COL5A1: variants seen among roughly 807,000 people sequenced by gnomAD.
COL5A1 encodes collagen type V alpha 1 chain.
COL5A1 carries 16 observed loss-of-function variants against 263.7 expected under a neutral mutation model. The ratio of observed to expected loss-of-function variants is 0.06; its 90% CI spans 0.04 to 0.09. The LOEUF (loss-of-function observed/expected upper bound fraction) is 0.09, where lower values mean the gene tolerates loss of function less well. COL5A1 is among the 10% of genes least tolerant of loss of function. COL5A1 has a pLI of 1.00. For synonymous variants in COL5A1, 1,012 were observed against 1,004.5 expected, an observed-to-expected ratio of 1.01 and a Z score of -0.14; for missense variants, 2,036 against 2,540.5, an observed-to-expected ratio of 0.80 and a Z score of 4.27.
chr9:134,655,061 G>A (rs1310293770), intron 1 of COL5A1, among the ~76,000 whole-genome samples: 3 of 138,330 alleles, frequency 2.2e-5, no homozygotes, highest in African/African-American at 8.2e-5. Context: ...TGTGTGTAGG[G>A]CTGGAGGTGT....
intron 1 of COL5A1, among the ~76,000 whole-genome samples, chr9:134,688,487 A>C (rs1833156773): frequency 6.6e-6 from 1 of 152,110 alleles, no homozygotes; most frequent in South Asian, 2.1e-4. Context: ...AGGCACTGGC[A>C]CTCAGCGTTT....
intron 1 of COL5A1, among the ~76,000 whole-genome samples, chr9:134,685,436 A>T (rs1833016246): frequency 3.0e-5 from 1 of 33,884 alleles, no homozygotes; most frequent in Non-Finnish European, 5.7e-5. Context: ...CCATCCATCC[A>T]TCCATTGTCC....
chr9:134,731,396 C>A (rs1834874083), intron 7 of COL5A1, 100 bp from the exon 8 acceptor site: 1 of 1,213,708 alleles, frequency 8.2e-7, no homozygotes, highest in Non-Finnish European at 1.2e-6. Flanking sequence ...GGATCTCTGC[C>A]CAGTTGACCG....
chr9:134,734,959 C>T (rs150677854), intron 9 of COL5A1, among the ~76,000 whole-genome samples: 3,687 of 152,040 alleles, frequency 0.024, 142 homozygotes, highest in African/African-American at 0.084. Context: ...ACCTGTAATC[C>T]CAGCACTTTG....
intron 7 of COL5A1, 62 bp downstream of exon 7, chr9:134,730,537 C>T: frequency 1.2e-6 from 2 of 1,605,698 alleles, no homozygotes; most frequent in Non-Finnish European, 1.7e-6. Context: ...AGGGCTGGGG[C>T]CACAATGCTG....
chr9:134,667,851 T>G (rs1459766170), intron 1 of COL5A1, among the ~76,000 whole-genome samples: 4 of 152,318 alleles, frequency 2.6e-5, no homozygotes, highest in Admixed American at 6.5e-5. Flanking sequence ...AATCCCTCAC[T>G]TCCTAGGGCG....
intron 1 of COL5A1, among the ~76,000 whole-genome samples, chr9:134,645,811 C>G (rs1202760464): frequency 6.6e-6 from 1 of 152,206 alleles, no homozygotes; most frequent in Non-Finnish European, 1.5e-5. Context: ...TTTATCAGCT[C>G]TCCCCGGGGA....
intron 32 of COL5A1, among the ~76,000 whole-genome samples, chr9:134,792,905 A>G (rs539744991): frequency 1.7e-4 from 5 of 29,628 alleles, no homozygotes; most frequent in Admixed American, 3.7e-4. Context: ...GCGTGTGTGC[A>G]CGCGCGTGTG....
chr9:134,814,755 G>A (rs1183967500), intron 49 of COL5A1, 42 bp from the exon 50 acceptor site: 25 of 1,473,106 alleles, frequency 1.7e-5, no homozygotes, highest in East Asian at 4.9e-5. Context: ...GGGCGGCGAC[G>A]TGGTTGGCTC....
At chr9:134,803,847 A>T (rs1242829699) in intron 39 of COL5A1, among the ~76,000 whole-genome samples, 1 of 151,066 alleles carries the variant, frequency 6.6e-6, no homozygotes, top group Non-Finnish European at 1.5e-5. Flanking sequence ...CATCTCAAAA[A>T]AAAGAAAAAA....
At chr9:134,772,718 C>G in intron 25 of COL5A1, 72 bp from the exon 26 acceptor site, 1 of 1,448,600 alleles carries the variant, frequency 6.9e-7, no homozygotes, top group Non-Finnish European at 9.7e-7. Flanking sequence ...GGATGCTACG[C>G]AGGGAGGGGA....
At chr9:134,770,392 C>T (rs1836829427) in intron 25 of COL5A1, among the ~76,000 whole-genome samples, 1 of 152,142 alleles carries the variant, frequency 6.6e-6, no homozygotes, top group South Asian at 2.1e-4. Flanking sequence ...TGAATTATGG[C>T]TCAGTGGAAT....
In COL5A1 at chr9:134,818,991, C is replaced by G. The variant is rs11792181; in HGVS notation, c.4393-9C>G. The stretch of plus-strand genomic sequence containing the variant: ...ATGAGGACTCTGATCCCCCTGCCTC[C>G]TCCCACAGGGTCCCCCAGGACTTCC... On this transcript the variant is annotated splice_polypyrimidine_tract_variant and intron_variant, in intron 56 of 65. Transcript: ENST00000371817. This position sits in a 1 kb window ranked among gnomAD's most constrained non-coding sequence, Gnocchi z 6.0. The G allele has an allele frequency of 1.2e-6, 2 of 1,613,458 alleles. No individual in the cohort carries two copies. Among genetic ancestry groups the G allele is most frequent in the Admixed American group, 3.3e-5 (2 of 60,026 alleles).
Position 134,765,582 on chromosome 9 carries a change from G to C in COL5A1, c.2035-99G>C, listed in dbSNP as rs1479121410. 4 of 1,065,938 alleles carry C rather than the reference G, an allele frequency of 3.8e-6. No individual in the cohort carries two copies. Among genetic ancestry groups the C allele is most frequent in the Non-Finnish European group, 5.8e-6 (4 of 689,018 alleles). The allele number at this position is 1,065,938 out of a possible 1,614,324, so 66.0% of individuals were successfully genotyped here. On this transcript the variant is annotated intron_variant, in intron 20 of 65. Transcript: ENST00000371817. The surrounding 1 kb of genome is among the most constrained non-coding windows in gnomAD (Gnocchi z 5.1). Reference sequence around the variant, plus strand: ...CCAGGAGGCCTGAGTCACCAGCTGGGGTTCTGGGTGGAGTCAGGGCCAAGT... The same window carrying C: ...CCAGGAGGCCTGAGTCACCAGCTGGCGTTCTGGGTGGAGTCAGGGCCAAGT...
chr9:134,700,002 G>T lies in COL5A1; in HGVS notation c.371G>T (p.Gly124Val). 1 of 1,613,818 alleles carries T rather than the reference G, an allele frequency of 6.2e-7. No homozygotes were observed. The highest frequency in any genetic ancestry group is 1.3e-5 in the African/African-American group (1 of 75,068). The change falls in exon 3 of 66, where the codon GGT becomes GTT. Residue 124 changes from glycine (G) to valine (V), a missense_variant. Transcript: ENST00000371817. This position sits in a 1 kb window ranked among gnomAD's most constrained non-coding sequence, Gnocchi z 4.0. The part of the protein sequence containing the change: ...AFLVSIYNEQ[G>V]IQQIGLELGR... ...CTGGTCTCCATCTACAACGAGCAGG[G>T]TATCCAGCAGATTGGGCTGGAGCTG... is the stretch of plus-strand genomic sequence containing the variant.
At chr9:134,721,730 C>G (rs1299692520) in intron 4 of COL5A1, among the ~76,000 whole-genome samples, 1 of 152,258 alleles carries the variant, frequency 6.6e-6, no homozygotes, top group Non-Finnish European at 1.5e-5. Flanking sequence ...GCTCGTGCAG[C>G]CATGGGGCTG....
intron 1 of COL5A1, among the ~76,000 whole-genome samples, chr9:134,664,936 C>T (rs916766299): frequency 7.9e-5 from 12 of 151,768 alleles, no homozygotes; most frequent in African/African-American, 1.7e-4. Flanking sequence ...CGGTGGCTCA[C>T]GCCTGTAATT....
chr9:134,737,036 C>A (rs1835125254), intron 9 of COL5A1, among the ~76,000 whole-genome samples: 2 of 152,216 alleles, frequency 1.3e-5, no homozygotes, highest in African/African-American at 4.8e-5. Context: ...TGCTGCCCTC[C>A]CAGGCTGGCG....
intron 1 of COL5A1, among the ~76,000 whole-genome samples, chr9:134,660,422 C>T (rs1021755832): frequency 6.6e-6 from 1 of 152,144 alleles, no homozygotes. Flanking sequence ...TATTAGAAAC[C>T]AGTGGAATAG....
Sources: gnomAD v4.1 joint callset for allele counts (sites outside exome capture counted in the v4.1 genomes callset) on GRCh38, gnomAD v4.1.1 for gene constraint, Gnocchi (gnomAD v3.1) non-coding constraint, MANE v1.5 for transcripts, NCBI Gene and HGNC (gene_info 2026-07-23, HGNC 2026-07-21) for gene names.